Variants in FNBP1 observed in about 807,000 individuals in gnomAD.
The protein encoded by FNBP1 is formin binding protein 1.
In FNBP1, 26 loss-of-function variants were observed where a neutral mutation model predicts 90.6. The ratio of observed to expected loss-of-function variants is 0.29; its 90% CI spans 0.21 to 0.40. The LOEUF (loss-of-function observed/expected upper bound fraction) is 0.40, where lower values mean the gene tolerates loss of function less well. Among genes scored for constraint, FNBP1 ranks in the 10% least tolerant of loss-of-function variants. The pLI is 1.00. For synonymous variants in FNBP1, 260 were observed against 265.2 expected, an observed-to-expected ratio of 0.98 and a Z score of 0.19; for missense variants, 635 against 768.0, an observed-to-expected ratio of 0.83 and a Z score of 2.05.
chr9:129,965,545 A>G (rs1164719881), intron 4 of FNBP1, among the ~76,000 whole-genome samples: 2 of 152,018 alleles, frequency 1.3e-5, no homozygotes, highest in Middle Eastern at 3.2e-3. Flanking sequence ...TTTCAAAGCA[A>G]TCCTGTCTTC....
chr9:129,974,446 G>T lies in FNBP1; in HGVS notation c.345+4019C>A, dbSNP rs1439932810. Among the ~76,000 whole-genome samples, 5 of 152,222 alleles carry T rather than the reference G, an allele frequency of 3.3e-5. No homozygotes were observed. In the South Asian group the frequency reaches 1.0e-3, roughly 31 times the overall value. ...CCCGAAGTGCTGGGACTACAGGCGT[G>T]AGCCACCACGCCAGGCCTCCAATAT... On this transcript the variant is annotated intron_variant, in intron 4 of 16. Coordinates refer to ENST00000446176, the MANE Select transcript of FNBP1 (RefSeq NM_015033.3).
At chr9:129,892,417 A>ACACACACACAC (rs2035215307) in intron 16 of FNBP1, among the ~76,000 whole-genome samples, 6 of 147,266 alleles carry the variant, frequency 4.1e-5, no homozygotes, top group African/African-American at 1.2e-4. Flanking sequence ...ACACACACAC[A>ACACACACACAC]AAAAGGTTGA....
In FNBP1 at chr9:129,900,172, C is replaced by A. The variant is rs879314094; in HGVS notation, c.1551-71G>T. On this transcript the variant is annotated intron_variant, in intron 14 of 16. Transcript: ENST00000446176. This position sits in a 1 kb window ranked among gnomAD's most constrained non-coding sequence, Gnocchi z 4.1. ...AGGGAGGACTCAGATTGAGTCCCTGCGACTGGAGAGCACTTGCAACCCCGC... is the reference window on the plus strand; with the variant it reads ...AGGGAGGACTCAGATTGAGTCCCTGAGACTGGAGAGCACTTGCAACCCCGC... 3 of 1,469,038 alleles carry A rather than the reference C, an allele frequency of 2.0e-6. No homozygotes were observed. The highest frequency in any genetic ancestry group is 2.5e-5 in the East Asian group (1 of 40,180). 91.0% of individuals were successfully genotyped at this position (1,469,038 alleles called of 1,614,324 possible).
rs182249249 is a variant in FNBP1 at position 129,978,132 on chromosome 9, T to C, written c.345+333A>G. Among the ~76,000 whole-genome samples the C allele has an allele frequency of 4.7e-3, 715 of 152,262 alleles. 2 individuals are homozygous for C. The highest frequency in any genetic ancestry group is 6.8e-3 in the Non-Finnish European group (462 of 68,012). ...GCCTCCCAGGTTCAAGCGTTTCTCC[T>C]GCCTCAGCCTCCTGAGTAGCTGGGA... On this transcript the variant is annotated intron_variant, in intron 4 of 16. Coordinates refer to ENST00000446176, the MANE Select transcript of FNBP1 (RefSeq NM_015033.3).
chr9:129,898,939 A>G lies in FNBP1; in HGVS notation c.1687+1026T>C, dbSNP rs142107929. ...AATGGATGAAATGATCATCCTCCCTATCGTCTGCTGCAGTGAAGCAAGCTC... is the reference window on the plus strand; with the variant it reads ...AATGGATGAAATGATCATCCTCCCTGTCGTCTGCTGCAGTGAAGCAAGCTC... On this transcript the variant is annotated intron_variant, in intron 15 of 16. Transcript: ENST00000446176. 3.5e-3 allele frequency among the ~76,000 whole-genome samples: 527 copies of G among 152,186 alleles called. 5 individuals carry two copies. Among genetic ancestry groups the G allele is most frequent in the Non-Finnish European group, 6.4e-3 (438 of 68,008 alleles).
chr9:130,023,862 C>A (rs181363497), intron 1 of FNBP1, among the ~76,000 whole-genome samples: 1 of 152,206 alleles, frequency 6.6e-6, no homozygotes, highest in East Asian at 1.9e-4. Context: ...TTTTCCTTTC[C>A]TTTCTTTACT....
intron 12 of FNBP1, among the ~76,000 whole-genome samples, chr9:129,905,738 A>C (rs940585933): frequency 2.6e-5 from 4 of 152,192 alleles, no homozygotes; most frequent in Non-Finnish European, 5.9e-5. Flanking sequence ...TCAGAGCAAT[A>C]AATCTCTCTA....
intron 10 of FNBP1, among the ~76,000 whole-genome samples, chr9:129,918,038 C>T (rs968994434): frequency 6.6e-6 from 1 of 152,210 alleles, no homozygotes; most frequent in East Asian, 1.9e-4. Flanking sequence ...ACACTATTTG[C>T]TCTCTACTCG....
At chr9:129,983,095 C>T (rs1412144208) in intron 2 of FNBP1, among the ~76,000 whole-genome samples, 1 of 152,200 alleles carries the variant, frequency 6.6e-6, no homozygotes, top group Non-Finnish European at 1.5e-5. Flanking sequence ...TTTGTAGCCT[C>T]CTTTCAGTCC....
rs531302903 is a variant in FNBP1 at position 129,957,831 on chromosome 9, G to A, written c.409-367C>T. Among the ~76,000 whole-genome samples the A allele has an allele frequency of 7.2e-5, 11 of 152,250 alleles. No homozygotes were observed. The highest frequency in any genetic ancestry group is 1.9e-4 in the African/African-American group (8 of 41,566). On this transcript the variant is annotated intron_variant, in intron 5 of 16. Coordinates refer to ENST00000446176, the MANE Select transcript of FNBP1 (RefSeq NM_015033.3). The surrounding 1 kb of genome is among the most constrained non-coding windows in gnomAD (Gnocchi z 4.3). ...GCCTCCCAAATTGCTGGGATTACAG[G>A]CGTGAGCCAATGTGTCTGGCCCAAG...
intron 15 of FNBP1, 141 bp from the exon 16 acceptor site, chr9:129,896,137 G>A (rs1010930019): frequency 1.3e-5 from 10 of 782,778 alleles, no homozygotes; most frequent in East Asian, 2.6e-5. Flanking sequence ...TCAGATGCAC[G>A]GACCCCTCAC....
intron 2 of FNBP1, among the ~76,000 whole-genome samples, chr9:129,986,261 C>T (rs1196394842): frequency 2.0e-5 from 3 of 152,044 alleles, no homozygotes; most frequent in Non-Finnish European, 4.4e-5. Flanking sequence ...AATCACCCTC[C>T]TTCAGATTAT....
At chr9:129,917,834 C>T (rs752718770) in intron 10 of FNBP1, among the ~76,000 whole-genome samples, 11 of 152,122 alleles carry the variant, frequency 7.2e-5, no homozygotes, top group Non-Finnish European at 1.5e-4. Flanking sequence ...TACAGTGATT[C>T]CAGCCCGCCT....
upstream of FNBP1, among the ~76,000 whole-genome samples, chr9:130,046,544 G>A (rs1564650849): frequency 8.3e-6 from 1 of 120,562 alleles, no homozygotes; most frequent in African/African-American, 3.2e-5. Flanking sequence ...GACCAGCCTA[G>A]CCAACATAGT....
intron 7 of FNBP1, among the ~76,000 whole-genome samples, chr9:129,929,277 G>T (rs1024890093): frequency 1.3e-5 from 2 of 151,754 alleles, no homozygotes; most frequent in African/African-American, 4.8e-5. Context: ...GGGCCCAGTG[G>T]TACGTGCCTG....
intron 4 of FNBP1, among the ~76,000 whole-genome samples, chr9:129,961,156 T>C (rs962201786): frequency 6.6e-6 from 1 of 151,608 alleles, no homozygotes. Flanking sequence ...CTACTAAAAA[T>C]ACAAAAAGTA....
intron 6 of FNBP1, among the ~76,000 whole-genome samples, chr9:129,930,624 T>C (rs2042596235): frequency 6.6e-6 from 1 of 152,174 alleles, no homozygotes; most frequent in African/African-American, 2.4e-5. Flanking sequence ...CATATTCTGA[T>C]TGATCACATA....
At chr9:129,904,233 T>G (rs1299915275) in intron 12 of FNBP1, among the ~76,000 whole-genome samples, 2 of 152,208 alleles carry the variant, frequency 1.3e-5, no homozygotes, top group African/African-American at 4.8e-5. Context: ...ATAGTTGGTA[T>G]CCACGACAGG....
At chr9:130,032,022 C>T (rs1368928826) in intron 1 of FNBP1, among the ~76,000 whole-genome samples, 1 of 152,040 alleles carries the variant, frequency 6.6e-6, no homozygotes, top group Non-Finnish European at 1.5e-5. Flanking sequence ...AAACACTGAG[C>T]ACTACCACCA....
Sources: allele counts gnomAD v4.1 joint callset (sites outside exome capture counted in the v4.1 genomes callset), GRCh38; gene constraint gnomAD v4.1.1; non-coding constraint Gnocchi (gnomAD v3.1); transcripts MANE v1.5; gene names NCBI Gene and HGNC (gene_info 2026-07-23, HGNC 2026-07-21).